The following FMN1 variants were observed in gnomAD, a reference collection of about 807,000 sequenced individuals.
The protein encoded by FMN1 is formin-1.
In FMN1, 110 loss-of-function variants were observed where a neutral mutation model predicts 132.4. The observed-to-expected ratio is 0.83, with a 90% confidence interval of 0.71 to 0.97. The LOEUF is 0.97. Ranked by LOEUF, FMN1 falls within the 50% of genes least tolerant of loss-of-function variation. The pLI, the probability that FMN1 is intolerant of heterozygous loss-of-function variation, is 0.00. For missense variants in FMN1, 1,792 were observed against 1,705.3 expected (o/e 1.05, Z -0.90); for synonymous variants, 722 against 651.7 (o/e 1.11, Z -1.64).
At chr15:32,977,644 A>G (rs2032318054) in intron 7 of FMN1, among the ~76,000 whole-genome samples, 1 of 152,194 alleles carries the variant, frequency 6.6e-6, no homozygotes, top group African/African-American at 2.4e-5. Flanking sequence ...AAACATTAGT[A>G]ATTTCCACAC....
rs1224832169 is a variant in FMN1, at chr15:32,832,733, G to A, written c.3928+24282C>T. On this transcript the variant is annotated intron_variant, in intron 17 of 20. Coordinates refer to ENST00000616417, the MANE Select transcript of FMN1 (RefSeq NM_001277313.2). ...GTGGAGGTTGCAGTGAGCTGAGATC[G>A]CGCCACTGCACTCCAGCCAGCAGAA... is the stretch of plus-strand genomic sequence containing the variant. Among the ~76,000 whole-genome samples the A allele has an allele frequency of 5.9e-5, 9 of 152,116 alleles. No homozygotes were observed. The South Asian group carries it at 6.3e-4, about 11-fold the overall frequency.
At chr15:33,018,256 C>T (rs1209439884) in intron 6 of FMN1, among the ~76,000 whole-genome samples, 3 of 152,038 alleles carry the variant, frequency 2.0e-5, no homozygotes, top group East Asian at 1.9e-4. Flanking sequence ...AAAATCCTTA[C>T]ACTTTCCAAA....
intron 4 of FMN1, among the ~76,000 whole-genome samples, chr15:33,107,300 T>C (rs2140106316): frequency 6.6e-6 from 1 of 152,100 alleles, no homozygotes; most frequent in South Asian, 2.1e-4. Context: ...TCCCAGCTCT[T>C]CTTCCTTCTT....
chr15:32,926,267 ATT>A lies in FMN1; in HGVS notation c.3139-8_3139-7del. 1 of 1,425,578 alleles carries A rather than the reference ATT, an allele frequency of 7.0e-7. No individual in the cohort carries two copies. Among genetic ancestry groups the A allele is most frequent in the Admixed American group, 2.3e-5 (1 of 42,712 alleles). The allele number at this position is 1,425,578 out of a possible 1,614,324, so 88.3% of individuals were successfully genotyped here. ...CCATCCAACAATTTGATGATCTAAA[ATT>A]AGAAAAAAAAAAAAAAGAATACAAG... On this transcript the variant is annotated splice_polypyrimidine_tract_variant and splice_region_variant and intron_variant, in intron 9 of 20. Transcript: ENST00000616417.
intron 6 of FMN1, among the ~76,000 whole-genome samples, chr15:33,033,755 C>G (rs991617473): frequency 6.6e-6 from 1 of 151,974 alleles, no homozygotes; most frequent in African/African-American, 2.4e-5. Flanking sequence ...AAACCCACTC[C>G]AAATTAAACT....
intron 6 of FMN1, among the ~76,000 whole-genome samples, chr15:33,024,095 C>G (rs1399882629): frequency 6.6e-6 from 1 of 151,836 alleles, no homozygotes; most frequent in Non-Finnish European, 1.5e-5. Flanking sequence ...AACAAAAGGA[C>G]AGTAAATTTA....
In FMN1 at chr15:32,771,443, T is replaced by A. The variant is rs1057014338; in HGVS notation, c.*2867A>T. On this transcript the variant is annotated 3_prime_UTR_variant, in exon 21 of 21. Coordinates refer to ENST00000616417, the MANE Select transcript of FMN1 (RefSeq NM_001277313.2). Reference sequence around the variant, plus strand: ...TTTATGATGTACTTTGTGTAATTTATGTAACTTATGATATTGTGTGCTCTG... The same window carrying A: ...TTTATGATGTACTTTGTGTAATTTAAGTAACTTATGATATTGTGTGCTCTG... 1 of 152,206 alleles carries A rather than the reference T, an allele frequency of 6.6e-6. No individual in the cohort carries two copies. The highest frequency in any genetic ancestry group is 2.4e-5 in the African/African-American group (1 of 41,450). 9.4% of individuals were successfully genotyped at this position (152,206 alleles called of 1,614,324 possible). A position where few individuals can be genotyped will look rare whatever the true frequency, so the allele number is the denominator to read the frequency against.
At chr15:33,106,493 T>C (rs376248806) in intron 4 of FMN1, among the ~76,000 whole-genome samples, 53 of 152,136 alleles carry the variant, frequency 3.5e-4, no homozygotes, top group African/African-American at 1.2e-3. Context: ...CAAATTTTCA[T>C]CATCTCATGG....
intron 15 of FMN1, among the ~76,000 whole-genome samples, chr15:32,897,131 G>A (rs1180751704): frequency 6.6e-6 from 1 of 152,098 alleles, no homozygotes. Flanking sequence ...CATCCTAAAA[G>A]GCATGATGGG....
chr15:32,960,403 TG>T (rs2140564414), intron 9 of FMN1, among the ~76,000 whole-genome samples: 1 of 152,236 alleles, frequency 6.6e-6, no homozygotes, highest in South Asian at 2.1e-4. Context: ...GATATTTGGG[TG>T]GGGTCACAGA....
intron 9 of FMN1, among the ~76,000 whole-genome samples, chr15:32,956,178 G>A (rs1411930882): frequency 6.6e-6 from 1 of 152,078 alleles, no homozygotes; most frequent in African/African-American, 2.4e-5. Flanking sequence ...ATTCTAAGGT[G>A]CCCTCTTGTG....
intron 12 of FMN1, among the ~76,000 whole-genome samples, chr15:32,907,459 A>G (rs921675266): frequency 3.3e-5 from 5 of 152,076 alleles, no homozygotes; most frequent in African/African-American, 1.2e-4. Flanking sequence ...CTCAGGTGGT[A>G]ATGCCGGCTT....
At chr15:32,837,546 G>GA (rs2058655804) in intron 17 of FMN1, among the ~76,000 whole-genome samples, 1 of 152,184 alleles carries the variant, frequency 6.6e-6, no homozygotes, top group Admixed American at 6.5e-5. Flanking sequence ...GCCCTCTTGT[G>GA]TTTAGAGATT....
chr15:32,860,565 A>T (rs2059245760), intron 16 of FMN1: 1 of 152,236 alleles, frequency 6.6e-6, no homozygotes, highest in Admixed American at 6.5e-5. Flanking sequence ...AGGTGAGAGG[A>T]TCACCTGAAC....
At chr15:32,882,889 C>T (rs2059804699) in intron 16 of FMN1, among the ~76,000 whole-genome samples, 1 of 152,232 alleles carries the variant, frequency 6.6e-6, no homozygotes, top group African/African-American at 2.4e-5. Context: ...ATAGCACTGA[C>T]TGACTCAGGC....
At chr15:32,905,988 C>T (rs992441557) in intron 12 of FMN1, among the ~76,000 whole-genome samples, 1 of 152,172 alleles carries the variant, frequency 6.6e-6, no homozygotes, top group African/African-American at 2.4e-5. Flanking sequence ...TTTGCGTGTT[C>T]ACGAAGCCAT....
At chr15:33,120,983 C>T (rs1962497497) in intron 4 of FMN1, among the ~76,000 whole-genome samples, 2 of 152,044 alleles carry the variant, frequency 1.3e-5, no homozygotes, top group Non-Finnish European at 2.9e-5. Flanking sequence ...CCTCCCATTG[C>T]TTCTTGATAG....
intron 19 of FMN1, among the ~76,000 whole-genome samples, chr15:32,781,497 T>A (rs1343963572): frequency 6.6e-6 from 1 of 152,164 alleles, no homozygotes; most frequent in Non-Finnish European, 1.5e-5. Flanking sequence ...GAAAAATGCA[T>A]CAACGACCGG....
chr15:33,037,145 A>C (rs1384093908), intron 6 of FMN1, among the ~76,000 whole-genome samples: 1 of 152,232 alleles, frequency 6.6e-6, no homozygotes, highest in African/African-American at 2.4e-5. Flanking sequence ...ATAAATTAAC[A>C]GAACTCACAG....
Sources: allele counts gnomAD v4.1 joint callset (sites outside exome capture counted in the v4.1 genomes callset), GRCh38; gene constraint gnomAD v4.1.1; transcripts MANE v1.5; gene names NCBI Gene and HGNC (gene_info 2026-07-23, HGNC 2026-07-21).